The following CAMK2D variants were observed in gnomAD, a reference collection of about 807,000 sequenced individuals.
CAMK2D encodes the protein calcium/calmodulin-dependent protein kinase type II subunit delta.
CAMK2D carries 37 observed loss-of-function variants against 84.0 expected under a neutral mutation model. That is an observed-to-expected ratio of 0.44 (90% CI 0.34 to 0.58). CAMK2D has a LOEUF of 0.58. Ranked by LOEUF, CAMK2D falls within the 20% of genes least tolerant of loss-of-function variation. CAMK2D has a pLI of 0.02. For synonymous variants in CAMK2D, 202 were observed against 212.5 expected (o/e 0.95, Z 0.43); for missense variants, 448 against 652.5 (o/e 0.69, Z 3.41).
intron 2 of CAMK2D, among the ~76,000 whole-genome samples, chr4:113,732,802 A>T (rs2099572295): frequency 6.6e-6 from 1 of 152,128 alleles, no homozygotes; most frequent in Non-Finnish European, 1.5e-5. Context: ...ATGCCTATTC[A>T]TTTAGAGTTA....
chr4:113,703,540 C>T (rs933254690), intron 2 of CAMK2D, among the ~76,000 whole-genome samples: 1 of 152,130 alleles, frequency 6.6e-6, no homozygotes, highest in Non-Finnish European at 1.5e-5. Flanking sequence ...CCAGGCTGGT[C>T]TTGAACTCCT....
intron 5 of CAMK2D, chr4:113,548,873 A>C: frequency 1.8e-6 from 1 of 560,758 alleles, no homozygotes; most frequent in Non-Finnish European, 3.1e-6. Flanking sequence ...TTTACGTTGG[A>C]ATCAAATAAA....
At chr4:113,675,412 G>C (rs1298813634) in intron 2 of CAMK2D, among the ~76,000 whole-genome samples, 1 of 152,162 alleles carries the variant, frequency 6.6e-6, no homozygotes, top group East Asian at 1.9e-4. Context: ...CAGAGAGATT[G>C]CTCACTAGCC....
At chr4:113,661,197 A>G (rs181336249) in intron 3 of CAMK2D, among the ~76,000 whole-genome samples, 64 of 152,326 alleles carry the variant, frequency 4.2e-4, no homozygotes, top group African/African-American at 1.4e-3. Flanking sequence ...TTGAAAAACT[A>G]TATATATAAC....
At chr4:113,699,381 T>C (rs1307600606) in intron 2 of CAMK2D, among the ~76,000 whole-genome samples, 3 of 152,154 alleles carry the variant, frequency 2.0e-5, no homozygotes, top group Non-Finnish European at 4.4e-5. Flanking sequence ...ATTTAAGTGC[T>C]ATTGATTCCT....
chr4:113,478,109 T>G (rs1441938795), intron 16 of CAMK2D, among the ~76,000 whole-genome samples: 1 of 150,964 alleles, frequency 6.6e-6, no homozygotes, highest in Non-Finnish European at 1.5e-5. Flanking sequence ...AATTTTACAT[T>G]AAAAAAAAAC....
At chr4:113,637,856 A>G (rs1050555079) in intron 3 of CAMK2D, among the ~76,000 whole-genome samples, 2 of 152,080 alleles carry the variant, frequency 1.3e-5, no homozygotes, top group African/African-American at 4.8e-5. Context: ...ATGTTTTTGA[A>G]ATAATAATAA....
At chr4:113,501,602 C>A (rs950796989) in intron 15 of CAMK2D, among the ~76,000 whole-genome samples, 1 of 151,946 alleles carries the variant, frequency 6.6e-6, no homozygotes, top group African/African-American at 2.4e-5. Context: ...TAAAGGTGTA[C>A]CCAGAGTCTC....
intron 17 of CAMK2D, among the ~76,000 whole-genome samples, chr4:113,463,655 C>T (rs947007551): frequency 6.6e-6 from 1 of 152,170 alleles, no homozygotes; most frequent in Non-Finnish European, 1.5e-5. Flanking sequence ...GGATTACAGG[C>T]GTGAGACATC....
At chr4:113,645,379 G>T (rs989353325) in intron 3 of CAMK2D, among the ~76,000 whole-genome samples, 5 of 152,126 alleles carry the variant, frequency 3.3e-5, no homozygotes, top group Non-Finnish European at 7.3e-5. Context: ...CATAAGTAAA[G>T]GTTTATTGGA....
At chr4:113,526,988 A>G (rs933220467) in intron 8 of CAMK2D, among the ~76,000 whole-genome samples, 2 of 151,490 alleles carry the variant, frequency 1.3e-5, no homozygotes, top group African/African-American at 4.9e-5. Context: ...GCATTGAGAA[A>G]GTCTGTGGTG....
intron 2 of CAMK2D, among the ~76,000 whole-genome samples, chr4:113,732,214 T>G (rs1225112393): frequency 6.6e-6 from 1 of 151,970 alleles, no homozygotes; most frequent in African/African-American, 2.4e-5. Flanking sequence ...GCCTCAAACT[T>G]CTGGGCTAAA....
At chr4:113,590,267 A>G (rs1378742744) in intron 4 of CAMK2D, among the ~76,000 whole-genome samples, 2 of 152,220 alleles carry the variant, frequency 1.3e-5, no homozygotes, top group African/African-American at 4.8e-5. Flanking sequence ...ATAGAGATCT[A>G]TCTGATAGGG....
chr4:113,748,353 C>T (rs2099609399), intron 2 of CAMK2D, among the ~76,000 whole-genome samples: 2 of 151,954 alleles, frequency 1.3e-5, no homozygotes, highest in South Asian at 2.1e-4. Flanking sequence ...TTCAATTTCT[C>T]GCTCGCATAC....
chr4:113,458,448 A>G (rs1356367314), intron 18 of CAMK2D, among the ~76,000 whole-genome samples: 1 of 152,192 alleles, frequency 6.6e-6, no homozygotes, highest in Non-Finnish European at 1.5e-5. Context: ...AATTATATAA[A>G]ATATTATTAT....
chr4:113,710,977 CTT>C (rs1261706921), intron 2 of CAMK2D, among the ~76,000 whole-genome samples: 2 of 152,030 alleles, frequency 1.3e-5, no homozygotes, highest in African/African-American at 4.8e-5. Flanking sequence ...AGCTCAAACT[CTT>C]TGAAATCTGA....
intron 2 of CAMK2D, among the ~76,000 whole-genome samples, chr4:113,751,013 G>A (rs1037594401): frequency 3.9e-5 from 6 of 152,122 alleles, no homozygotes; most frequent in Admixed American, 2.0e-4. Context: ...GAGAAACTGT[G>A]TCTCAAAACA....
chr4:113,468,309 C>T (rs927143080), intron 16 of CAMK2D, among the ~76,000 whole-genome samples: 20 of 152,128 alleles, frequency 1.3e-4, no homozygotes, highest in African/African-American at 4.1e-4. Context: ...TGCTTAGAAA[C>T]GATGGTGCTT....
chr4:113,566,483 T>A (rs910775148), intron 4 of CAMK2D, among the ~76,000 whole-genome samples: 3 of 152,222 alleles, frequency 2.0e-5, no homozygotes, highest in Admixed American at 2.0e-4. Flanking sequence ...GAGAGCTTTG[T>A]ATAATGAAAT....
Sources: gnomAD v4.1 joint callset for allele counts (sites outside exome capture counted in the v4.1 genomes callset) on GRCh38, gnomAD v4.1.1 for gene constraint, MANE v1.5 for transcripts, NCBI Gene and HGNC (gene_info 2026-07-23, HGNC 2026-07-21) for gene names.